PCM1: variants seen among roughly 807,000 people sequenced by gnomAD.
PCM1 encodes the protein pericentriolar material 1.
Under a neutral mutation model 241.9 loss-of-function variants are expected in PCM1, and 157 were observed. The observed-to-expected ratio is 0.65, with a 90% confidence interval of 0.57 to 0.74. PCM1 has a LOEUF of 0.74. PCM1 is among the 30% of genes least tolerant of loss of function. The pLI is 0.00. For synonymous variants in PCM1, 1,085 were observed against 784.9 expected (o/e 1.38, Z -6.39); for missense variants, 3,478 against 2,360.1 (o/e 1.47, Z -9.81).
chr8:17,928,019 A>T (rs543612446), intron 2 of PCM1: 1 of 151,728 alleles, frequency 6.6e-6, no homozygotes, highest in Admixed American at 6.5e-5. Flanking sequence ...TCGTTTAGTA[A>T]GGCATAGCAT....
In PCM1 at chr8:18,010,510, G is replaced by A. The variant is rs1458900307; in HGVS notation, c.5161-99G>A. 6 of 809,628 alleles carry A rather than the reference G, an allele frequency of 7.4e-6. No homozygotes were observed. The African/African-American group carries it at 1.1e-4, about 15-fold the overall frequency. The allele number at this position is 809,628 out of a possible 1,614,324, so 50.2% of individuals were successfully genotyped here. On this transcript the variant is annotated intron_variant, in intron 31 of 38. Transcript: ENST00000325083. ...AGAAAGTAATACAGGCCAGGCTTAG[G>A]TCTATAATCCCAGTACTTTGGGAGG...
Position 17,995,612 on chromosome 8 carries a change from G to A in PCM1, c.4827+1993G>A, listed in dbSNP as rs115898771. Reference sequence around the variant, plus strand: ...TTTTTCTCTGTGAAGAATGTCATTGGTATTTTGATCACAATTGTATTGAAT... The same window carrying A: ...TTTTTCTCTGTGAAGAATGTCATTGATATTTTGATCACAATTGTATTGAAT... On this transcript the variant is annotated intron_variant, in intron 29 of 38. Coordinates refer to ENST00000325083, the MANE Select transcript of PCM1 (RefSeq NM_006197.4). 8.1e-3 allele frequency among the ~76,000 whole-genome samples: 1,222 copies of A among 151,364 alleles called. 89 individuals are homozygous for A. The highest frequency in any genetic ancestry group is 0.029 in the African/African-American group (1,176 of 40,764).
In PCM1 at chr8:17,939,800, A is replaced by G. The variant is rs1426802444; in HGVS notation, c.722A>G (p.His241Arg). 3 of 1,541,504 alleles carry G rather than the reference A, an allele frequency of 1.9e-6. No individual in the cohort carries two copies. Among genetic ancestry groups the G allele is most frequent in the African/African-American group, 1.4e-5 (1 of 73,194 alleles). The change falls in exon 6 of 39, where the codon CAT (histidine) becomes CGT (arginine). Residue 241 changes from histidine to arginine, a missense_variant. Physicochemically the swap from His to Arg is conservative, Grantham distance 29. Coordinates refer to ENST00000325083, the MANE Select transcript of PCM1 (RefSeq NM_006197.4). ...ERSANVERLT[H>R]LIDHLKEQEK... is the part of the protein sequence containing the mutation. Reference sequence around the variant, plus strand: ...TCTGCTAATGTTGAGCGCCTTACTCATCTAATAGATCACCTTAAAGAACAA... The same window carrying G: ...TCTGCTAATGTTGAGCGCCTTACTCGTCTAATAGATCACCTTAAAGAACAA...
chr8:17,957,505 A>G, intron 12 of PCM1, 35 bp from the exon 13 acceptor site: 2 of 1,606,590 alleles, frequency 1.2e-6, no homozygotes, highest in Non-Finnish European at 1.7e-6. Context: ...TTTCCTTTAA[A>G]AGTTACTGGT....
At chr8:17,957,163 T>C (rs1410856816) in intron 11 of PCM1, 101 bp from the exon 12 acceptor site, 7 of 862,212 alleles carry the variant, frequency 8.1e-6, no homozygotes, top group Admixed American at 2.6e-5. Context: ...TAGCCAACAA[T>C]GTGCTTGGTT....
chr8:17,968,220 T>G (rs1250173279), intron 21 of PCM1, among the ~76,000 whole-genome samples: 1 of 152,168 alleles, frequency 6.6e-6, no homozygotes, highest in Non-Finnish European at 1.5e-5. Flanking sequence ...GGCTAGTATT[T>G]AGGGGAAGAG....
chr8:17,969,712 T>A lies in PCM1; in HGVS notation c.3548T>A (p.Phe1183Tyr). Residue 1183 changes from phenylalanine to tyrosine, a missense_variant, in exon 22 of 39, where the codon TTT becomes TAT. Phe to Tyr is a conservative substitution (Grantham distance 22). Transcript: ENST00000325083. ...GAATATATGGCTTTTCCAAAACCTT[T>A]TGAAAGCAGTTCCTCTATTGGAGCA... ...KTEYMAFPKPFESSSSIGAEK... is the reference protein window; with the variant it reads ...KTEYMAFPKPYESSSSIGAEK... The A allele has an allele frequency of 6.2e-7, 1 of 1,610,948 alleles. No homozygotes were observed. The highest frequency in any genetic ancestry group is 8.5e-7 in the Non-Finnish European group (1 of 1,178,904).
At chr8:17,931,442 C>T (rs2058994015) in intron 2 of PCM1, among the ~76,000 whole-genome samples, 1 of 152,092 alleles carries the variant, frequency 6.6e-6, no homozygotes, top group African/African-American at 2.4e-5. Context: ...GCGTGTGCCA[C>T]CATGGCTGGC....
chr8:17,975,094 T>G (rs558657144), intron 23 of PCM1, among the ~76,000 whole-genome samples: 120 of 152,308 alleles, frequency 7.9e-4, no homozygotes, highest in African/African-American at 2.8e-3. Flanking sequence ...TTCTTCAGTA[T>G]GCATTTTGGC....
chr8:18,006,223 T>G (rs371794557), intron 29 of PCM1, 40 bp from the exon 30 acceptor site: 23 of 1,486,666 alleles, frequency 1.5e-5, no homozygotes, highest in Non-Finnish European at 3.6e-6. Context: ...TTTTAAACAA[T>G]AGGTAAGTTT....
At chr8:18,020,964 T>C (rs1381150846) in intron 36 of PCM1, among the ~76,000 whole-genome samples, 1 of 152,160 alleles carries the variant, frequency 6.6e-6, no homozygotes, top group African/African-American at 2.4e-5. Flanking sequence ...ATGCTCATGC[T>C]CGTAGGACTG....
intron 23 of PCM1, among the ~76,000 whole-genome samples, chr8:17,978,260 A>G (rs2079446640): frequency 6.6e-6 from 1 of 152,110 alleles, no homozygotes. Context: ...ACGATTAGAG[A>G]CTTACAAGAA....
At chr8:17,965,668 C>T (rs1253985724) in intron 18 of PCM1, among the ~76,000 whole-genome samples, 2 of 152,220 alleles carry the variant, frequency 1.3e-5, no homozygotes, top group African/African-American at 2.4e-5. Context: ...AGTAGCTCCA[C>T]TTGATGAAAT....
chr8:17,979,495 C>A (rs1484178233), intron 23 of PCM1, among the ~76,000 whole-genome samples: 1 of 152,060 alleles, frequency 6.6e-6, no homozygotes, highest in Non-Finnish European at 1.5e-5. Flanking sequence ...GTTGTAATAT[C>A]CAGTAGCATG....
At chr8:17,946,749 C>A (rs2063914276) in intron 6 of PCM1, among the ~76,000 whole-genome samples, 1 of 152,080 alleles carries the variant, frequency 6.6e-6, no homozygotes, top group Non-Finnish European at 1.5e-5. Flanking sequence ...CCACCTCGGC[C>A]TCCCGAAGTG....
intron 5 of PCM1, among the ~76,000 whole-genome samples, chr8:17,939,335 T>C (rs1465807195): frequency 6.6e-6 from 1 of 152,180 alleles, no homozygotes; most frequent in Non-Finnish European, 1.5e-5. Context: ...GCAAATATTC[T>C]TTTGAAAAGT....
chr8:18,018,926 T>A (rs1381067396), intron 36 of PCM1, among the ~76,000 whole-genome samples: 1 of 110,934 alleles, frequency 9.0e-6, no homozygotes, highest in Admixed American at 8.5e-5. Flanking sequence ...ATATAACATA[T>A]AATATATAAC....
chr8:17,929,637 A>G (rs1342603261), intron 2 of PCM1, among the ~76,000 whole-genome samples: 1 of 152,074 alleles, frequency 6.6e-6, no homozygotes, highest in Non-Finnish European at 1.5e-5. Flanking sequence ...TTTATCTTTT[A>G]ACTCTACTAT....
rs758875409 is a variant in PCM1, at chr8:17,963,142, G to A, written c.2505G>A (p.Glu835=). 5.0e-6 allele frequency: 8 copies of A among 1,613,074 alleles called. No homozygotes were observed. In the Middle Eastern group the frequency reaches 4.9e-4, roughly 99 times the overall value. The part of the protein sequence containing the change: ...EMRRHEMLRE[E]LRQRRKQLEA... ...GAAGACATGAAATGTTGAGGGAGGA[G>A]CTGCGACAGAGAAGAAAGCAGCTTG... Residue 835 remains glutamate, a synonymous_variant, in exon 17 of 39, where the codon GAG becomes GAA. Coordinates refer to ENST00000325083, the MANE Select transcript of PCM1 (RefSeq NM_006197.4).
Sources: allele counts gnomAD v4.1 joint callset (sites outside exome capture counted in the v4.1 genomes callset), GRCh38; gene constraint gnomAD v4.1.1; transcripts MANE v1.5; gene names NCBI Gene and HGNC (gene_info 2026-07-23, HGNC 2026-07-21).